Variants in SAFB observed in about 807,000 individuals in gnomAD.
SAFB encodes scaffold attachment factor B1.
A neutral mutation model predicts 101.6 loss-of-function variants in SAFB; 15 were observed. The observed-to-expected ratio is 0.15, with a 90% CI of 0.10 to 0.23. SAFB has a LOEUF of 0.23. Ranked by LOEUF, SAFB falls within the 10% of genes least tolerant of loss-of-function variation. The pLI, the probability that SAFB is intolerant of heterozygous loss-of-function variation, is 1.00. For synonymous variants in SAFB, 449 were observed against 407.5 expected (o/e 1.10, Z -1.23); for missense variants, 930 against 1,104.1 (o/e 0.84, Z 2.23).
chr19:5,657,493 T>G (rs1398537621), intron 14 of SAFB, 146 bp downstream of exon 14: 2 of 592,178 alleles, frequency 3.4e-6, no homozygotes, highest in Non-Finnish European at 6.1e-6. Context: ...AGACTTGTTA[T>G]GTTTTAACTT....
chr19:5,638,523 A>G (rs923230496), intron 2 of SAFB, among the ~76,000 whole-genome samples: 9 of 151,616 alleles, frequency 5.9e-5, no homozygotes, highest in Non-Finnish European at 8.8e-5. Context: ...GGGTTTCACC[A>G]TGTTGGCCAG....
chr19:5,639,874 G>A (rs2053668194), intron 2 of SAFB, among the ~76,000 whole-genome samples: 1 of 151,914 alleles, frequency 6.6e-6, no homozygotes, highest in African/African-American at 2.4e-5. Context: ...TTTTGCTTTT[G>A]TTGCCCAGGC....
chr19:5,667,407 G>A lies in SAFB; in HGVS notation c.2514G>A (p.Thr838=), dbSNP rs1244984587. The A allele has an allele frequency of 1.8e-5, 28 of 1,516,382 alleles. No individual in the cohort carries two copies. Among genetic ancestry groups the A allele is most frequent in the South Asian group, 5.1e-5 (4 of 78,166 alleles). The allele number at this position is 1,516,382 out of a possible 1,614,324, so 93.9% of individuals were successfully genotyped here. A position where few individuals can be genotyped will look rare whatever the true frequency, so the allele number is the denominator to read the frequency against. The change falls in exon 19 of 21, where the codon ACG becomes ACA. Residue 838 remains threonine (T), a synonymous_variant. Coordinates refer to ENST00000588852, the MANE Select transcript of SAFB (RefSeq NM_001201338.2). The surrounding 1 kb of genome is among the most constrained non-coding windows in gnomAD (Gnocchi z 4.0). Reference sequence around the variant, plus strand: ...AGGATGACCGGTCATGGCAGGGCACGGCCGACGGGGGCATGATGGACAGGG... The same window carrying A: ...AGGATGACCGGTCATGGCAGGGCACAGCCGACGGGGGCATGATGGACAGGG... ...RREDDRSWQG[T]ADGGMMDRDH...
Position 5,654,131 on chromosome 19 carries a change from G to A in SAFB, c.1597G>A (p.Gly533Arg), listed in dbSNP as rs780853686. 6.2e-7 allele frequency: 1 copy of A among 1,614,158 alleles called. No homozygotes were observed. The highest frequency in any genetic ancestry group is 8.5e-7 in the Non-Finnish European group (1 of 1,179,978). ...TGCTAAGAAGGGTGACGACGGAAGT[G>A]GAGAAAAGAGTAAGGACCAAGATGA... ...DDAKKGDDGS[G>R]EKSKDQDDQK... The change falls in exon 12 of 21, where the codon GGA becomes AGA. Residue 533 changes from glycine to arginine, a missense_variant. Coordinates refer to ENST00000588852, the MANE Select transcript of SAFB (RefSeq NM_001201338.2).
Position 5,667,370 on chromosome 19 carries a change from A to C in SAFB, c.2477A>C (p.His826Pro). ...AGGGGCAGACGTGACTGGGGGGACCATGGCCGAAGAGAGGATGACCGGTCA... is the reference window on the plus strand; with the variant it reads ...AGGGGCAGACGTGACTGGGGGGACCCTGGCCGAAGAGAGGATGACCGGTCA... ...PPRGRRDWGD[H>P]GRREDDRSWQ... is the part of the protein sequence containing the mutation. Residue 826 changes from histidine (H) to proline (P), a missense_variant, in exon 19 of 21, where the codon CAT becomes CCT. This residue lies in a region of SAFB where 318 missense variants were observed against 342.6 expected (regional missense o/e 0.93). Coordinates refer to ENST00000588852, the MANE Select transcript of SAFB (RefSeq NM_001201338.2). This position sits in a 1 kb window ranked among gnomAD's most constrained non-coding sequence, Gnocchi z 4.0. The C allele has an allele frequency of 1.3e-6, 2 of 1,506,314 alleles. No individual in the cohort carries two copies. The highest frequency in any genetic ancestry group is 1.8e-6 in the Non-Finnish European group (2 of 1,132,066). The allele number at this position is 1,506,314 out of a possible 1,614,324, so 93.3% of individuals were successfully genotyped here.
At chr19:5,644,453 G>A (rs2053784481) in intron 4 of SAFB, among the ~76,000 whole-genome samples, 1 of 152,226 alleles carries the variant, frequency 6.6e-6, no homozygotes, top group African/African-American at 2.4e-5. Flanking sequence ...TGGTGCAGAT[G>A]TCTAAGGGGA....
At chr19:5,624,268 C>T (rs1300044748) in intron 1 of SAFB, among the ~76,000 whole-genome samples, 5 of 147,534 alleles carry the variant, frequency 3.4e-5, no homozygotes, top group Non-Finnish European at 6.0e-5. Flanking sequence ...AGCAATAGGA[C>T]TTTGATTTGG....
chr19:5,659,906 G>A (rs2386600), intron 14 of SAFB, among the ~76,000 whole-genome samples: 2,572 of 152,254 alleles, frequency 0.017, 43 homozygotes, highest in East Asian at 0.026. Flanking sequence ...TGGGTATCCC[G>A]TCAGGTTGTG....
At chr19:5,653,818 G>A (rs990754388) in intron 11 of SAFB, among the ~76,000 whole-genome samples, 3 of 151,996 alleles carry the variant, frequency 2.0e-5, no homozygotes, top group Admixed American at 2.0e-4. Flanking sequence ...GTGTGCAGTG[G>A]CAAGATCTCT....
intron 14 of SAFB, among the ~76,000 whole-genome samples, chr19:5,659,881 A>C (rs952779220): frequency 6.6e-6 from 1 of 152,086 alleles, no homozygotes; most frequent in African/African-American, 2.4e-5. Flanking sequence ...ACCTATGAAC[A>C]AGGAAGTGTG....
rs200032564 is a variant in SAFB, at chr19:5,654,132, G to A, written c.1598G>A (p.Gly533Glu). Residue 533 changes from glycine to glutamate, a missense_variant, in exon 12 of 21, where the codon GGA becomes GAA. Transcript: ENST00000588852. ...GCTAAGAAGGGTGACGACGGAAGTG[G>A]AGAAAAGAGTAAGGACCAAGATGAT... is the stretch of plus-strand genomic sequence containing the variant. ...DDAKKGDDGS[G>E]EKSKDQDDQK... The A allele has an allele frequency of 6.2e-7, 1 of 1,614,178 alleles. No homozygotes were observed. Among genetic ancestry groups the A allele is most frequent in the African/African-American group, 1.3e-5 (1 of 75,052 alleles).
At chr19:5,640,424 G>A (rs1038411342) in intron 2 of SAFB, among the ~76,000 whole-genome samples, 3 of 135,712 alleles carry the variant, frequency 2.2e-5, no homozygotes, top group Admixed American at 7.8e-5. Context: ...GGAGTGCAGT[G>A]GTGTGATCTC....
At chr19:5,645,252 C>G (rs2053802534) in intron 4 of SAFB, 85 bp from the exon 5 acceptor site, 1 of 650,744 alleles carries the variant, frequency 1.5e-6, no homozygotes, top group Non-Finnish European at 2.8e-6. Context: ...ATTTTCATAG[C>G]TGTTCACTTT....
chr19:5,637,458 C>T (rs1404106079), intron 2 of SAFB, among the ~76,000 whole-genome samples: 1 of 151,784 alleles, frequency 6.6e-6, no homozygotes, highest in Admixed American at 6.6e-5. Flanking sequence ...GAGTTCAAGA[C>T]CAGCCTGGGC....
chr19:5,628,576 T>A (rs919148483), intron 2 of SAFB, among the ~76,000 whole-genome samples: 1 of 152,190 alleles, frequency 6.6e-6, no homozygotes, highest in Non-Finnish European at 1.5e-5. Context: ...CAGTTTCAGA[T>A]AGGGTTGCCC....
At chr19:5,664,474 TC>T in intron 17 of SAFB, 35 bp downstream of exon 17, 2 of 1,552,046 alleles carry the variant, frequency 1.3e-6, no homozygotes, top group Non-Finnish European at 1.8e-6. Flanking sequence ...CCACAGAATT[TC>T]CCATAGAATG....
rs1599397356 is a variant in SAFB, at chr19:5,668,328, G to A, written c.*37G>A. 6.3e-7 allele frequency: 1 copy of A among 1,598,444 alleles called. No individual in the cohort carries two copies. Among genetic ancestry groups the A allele is most frequent in the Non-Finnish European group, 8.5e-7 (1 of 1,176,378 alleles). On this transcript the variant is annotated 3_prime_UTR_variant, in exon 21 of 21. Transcript: ENST00000588852. ...CCTGTGTCCTGTCTCGTGGCAACAA[G>A]GCTATGTTCTGTTAGGAGTTACCTT...
rs1018126308 is a variant in SAFB at position 5,644,140 on chromosome 19, A to G, written c.547-1197A>G. Reference sequence around the variant, plus strand: ...GGTGTAAATGAAGTTTTCTGAGAGCACAACCACACCTATTGATACTGTTGT... The same window carrying G: ...GGTGTAAATGAAGTTTTCTGAGAGCGCAACCACACCTATTGATACTGTTGT... On this transcript the variant is annotated intron_variant, in intron 4 of 20. Coordinates refer to ENST00000588852, the MANE Select transcript of SAFB (RefSeq NM_001201338.2). Among the ~76,000 whole-genome samples the G allele has an allele frequency of 2.0e-5, 3 of 152,064 alleles. No individual in the cohort carries two copies. In the South Asian group the frequency reaches 6.2e-4, roughly 32 times the overall value.
At chr19:5,649,885 A>G (rs756828259) in intron 7 of SAFB, 41 bp from the exon 8 acceptor site, 12 of 1,580,926 alleles carry the variant, frequency 7.6e-6, no homozygotes, top group Admixed American at 3.3e-5. Flanking sequence ...TGTTTCCTCC[A>G]TGCTGCTTCC....
Sources: allele counts gnomAD v4.1 joint callset (sites outside exome capture counted in the v4.1 genomes callset), GRCh38; gene constraint gnomAD v4.1.1; regional missense constraint gnomAD v4.1.1; non-coding constraint Gnocchi (gnomAD v3.1); transcripts MANE v1.5; gene names NCBI Gene and HGNC (gene_info 2026-07-23, HGNC 2026-07-21).